KLK13: variants seen among roughly 807,000 people sequenced by gnomAD.
KLK13 encodes the protein kallikrein related peptidase 13, also known as kallikrein-13.
In KLK13, 19 loss-of-function variants were observed where a neutral mutation model predicts 22.4. The ratio of observed to expected loss-of-function variants is 0.85; its 90% confidence interval spans 0.59 to 1.24. KLK13 has a LOEUF of 1.24. KLK13 is among the 50% of genes most tolerant of loss of function. The pLI is 0.00. For synonymous variants in KLK13, 156 were observed against 141.8 expected, an observed-to-expected ratio of 1.10 and a Z score of -0.71; for missense variants, 311 against 347.9, an observed-to-expected ratio of 0.89 and a Z score of 0.84.
In KLK13 at chr19:51,056,474, G is replaced by T. The variant is rs1473562050; in HGVS notation, c.*113C>A. On this transcript the variant is annotated 3_prime_UTR_variant, in exon 5 of 5. Transcript: ENST00000595793. ...TTAGCTGAGATTGAGCATTTTTCAG[G>T]ACATGGATCACTGGTTCAAATGGAA... 14 of 1,111,614 alleles carry T rather than the reference G, an allele frequency of 1.3e-5. No individual in the cohort carries two copies. Among genetic ancestry groups the T allele is most frequent in the Non-Finnish European group, 1.9e-5 (14 of 753,200 alleles). The allele number at this position is 1,111,614 out of a possible 1,614,324, so 68.9% of individuals were successfully genotyped here. A position where few individuals can be genotyped will look rare whatever the true frequency, so the allele number is the denominator to read the frequency against.
Position 51,056,509 on chromosome 19 carries a change from T to A in KLK13, c.*78A>T. The A allele has an allele frequency of 7.3e-7, 1 of 1,368,574 alleles. No individual in the cohort carries two copies. The highest frequency in any genetic ancestry group is 1.0e-6 in the Non-Finnish European group (1 of 973,676). The allele number at this position is 1,368,574 out of a possible 1,614,324, so 84.8% of individuals were successfully genotyped here. ...ACTGGTTCAAATGGAACACTGGGAATAAGGAGCAGAGAAGGGCTAAGCAGA... is the reference window on the plus strand; with the variant it reads ...ACTGGTTCAAATGGAACACTGGGAAAAAGGAGCAGAGAAGGGCTAAGCAGA... On this transcript the variant is annotated 3_prime_UTR_variant, in exon 5 of 5. Coordinates refer to ENST00000595793, the MANE Select transcript of KLK13 (RefSeq NM_015596.3).
Position 51,059,236 on chromosome 19 carries a change from A to C in KLK13, c.509-562T>G, listed in dbSNP as rs181603869. On this transcript the variant is annotated intron_variant, in intron 3 of 4. Transcript: ENST00000595793. The stretch of plus-strand genomic sequence containing the variant: ...TATTATACTTACTAAGTAATGATAT[A>C]GAATTAATTATTACATTGAATTATT... Among the ~76,000 whole-genome samples, 110 of 151,514 alleles carry C rather than the reference A, an allele frequency of 7.3e-4. 3 individuals carry two copies. Among genetic ancestry groups the C allele is most frequent in the African/African-American group, 2.6e-3 (109 of 41,372 alleles).
intron 1 of KLK13, among the ~76,000 whole-genome samples, chr19:51,061,934 AAAG>A (rs886687984): frequency 2.6e-5 from 4 of 152,194 alleles, no homozygotes; most frequent in African/African-American, 9.7e-5. Flanking sequence ...CATTTAAAGA[AAAG>A]AAGAATTTAA....
chr19:51,065,259 G>A, upstream of KLK13: 1 of 519,584 alleles, frequency 1.9e-6, no homozygotes, highest in Non-Finnish European at 3.4e-6. Context: ...TGGTGGGGGT[G>A]CAGTGGCGAG....
At chr19:51,063,388 A>G (rs1020238784) in intron 1 of KLK13, among the ~76,000 whole-genome samples, 1 of 152,196 alleles carries the variant, frequency 6.6e-6, no homozygotes, top group African/African-American at 2.4e-5. Flanking sequence ...AGAAGAAAAA[A>G]AGCTAACTTT....
At chr19:51,062,923 A>C (rs2091743510) in intron 1 of KLK13, among the ~76,000 whole-genome samples, 1 of 152,194 alleles carries the variant, frequency 6.6e-6, no homozygotes, top group Non-Finnish European at 1.5e-5. Flanking sequence ...AGTGGTTTGC[A>C]GTTAGGGACA....
At chr19:51,058,743 C>T (rs1159935568) in intron 3 of KLK13, 69 bp from the exon 4 acceptor site, 34 of 1,472,052 alleles carry the variant, frequency 2.3e-5, no homozygotes, top group Admixed American at 6.8e-5. Context: ...GTGAAATAGG[C>T]GAGTTGAATG....
Position 51,065,003 on chromosome 19 carries a change from C to G in KLK13, c.52+13G>C, listed in dbSNP as rs545084633. 6 of 1,550,894 alleles carry G rather than the reference C, an allele frequency of 3.9e-6. No homozygotes were observed. The Admixed American group carries it at 7.8e-5, about 20-fold the overall frequency. ...CGAATGGCCGCCGCGCCTCCACCCC[C>G]GCGCATTCTTACCTCCTGACAAGGC... On this transcript the variant is annotated intron_variant, in intron 1 of 4. Transcript: ENST00000595793.
intron 1 of KLK13, among the ~76,000 whole-genome samples, chr19:51,063,285 T>C (rs1039886269): frequency 6.6e-6 from 1 of 152,214 alleles, no homozygotes; most frequent in African/African-American, 2.4e-5. Flanking sequence ...GCAGGATTTA[T>C]TTCCTTCCTT....
At chr19:51,060,117 T>C (rs1377379758) in intron 2 of KLK13, 24 bp from the exon 3 acceptor site, 1 of 1,611,436 alleles carries the variant, frequency 6.2e-7, no homozygotes, top group Non-Finnish European at 8.5e-7. Flanking sequence ...AAGAAGGTGG[T>C]TAGGAAAGAA....
intron 1 of KLK13, 162 bp downstream of exon 1, chr19:51,064,854 C>T (rs1875032165): frequency 1.5e-6 from 1 of 650,874 alleles, no homozygotes; most frequent in Non-Finnish European, 2.7e-6. Context: ...AACCAGGTCA[C>T]CCAGGGACAA....
Position 51,059,914 on chromosome 19 carries a change from A to G in KLK13, c.419T>C (p.Ile140Thr). ...GTTGTGGGAAAGGGGCAGGGTTTGG[A>G]TGTAGCCTGTGAGCTGGACCGGGGA... ...LQSPVQLTGY[I>T]QTLPLSHNNR... Residue 140 changes from isoleucine (I) to threonine (T), a missense_variant, in exon 3 of 5, where the codon ATC (isoleucine) becomes ACC (threonine). Ile to Thr is a moderately conservative substitution (Grantham distance 89, BLOSUM62 -1). Coordinates refer to ENST00000595793, the MANE Select transcript of KLK13 (RefSeq NM_015596.3). 2 of 1,608,968 alleles carry G rather than the reference A, an allele frequency of 1.2e-6. No homozygotes were observed. Among genetic ancestry groups the G allele is most frequent in the Non-Finnish European group, 1.7e-6 (2 of 1,177,484 alleles).
At chr19:51,064,635 A>C (rs767240595) in intron 1 of KLK13, 1 of 548,552 alleles carries the variant, frequency 1.8e-6, no homozygotes, top group South Asian at 1.5e-5. Flanking sequence ...TCTGGTAAGC[A>C]CTTATAGATT....
At chr19:51,059,757 C>G in intron 3 of KLK13, 68 bp downstream of exon 3, 1 of 1,344,940 alleles carries the variant, frequency 7.4e-7, no homozygotes, top group Non-Finnish European at 9.8e-7. Context: ...CAGACCTTCC[C>G]TCCCATCTCT....
rs1241455205 is a variant in KLK13 at position 51,060,142 on chromosome 19, C to T, written c.240-49G>A. The T allele has an allele frequency of 3.7e-6, 6 of 1,601,732 alleles. No homozygotes were observed. In the African/African-American group the frequency reaches 8.0e-5, roughly 21 times the overall value. On this transcript the variant is annotated intron_variant, in intron 2 of 4. Transcript: ENST00000595793. ...TTAGGAAAGAAGATGAGCCCATTTCCATCCCCATCCCAGCCCCAACCTCTT... is the reference window on the plus strand; with the variant it reads ...TTAGGAAAGAAGATGAGCCCATTTCTATCCCCATCCCAGCCCCAACCTCTT...
chr19:51,064,889 C>T (rs2091766859), intron 1 of KLK13, 127 bp downstream of exon 1: 4 of 764,994 alleles, frequency 5.2e-6, no homozygotes, highest in Non-Finnish European at 8.4e-6. Flanking sequence ...GAGCTGTCCC[C>T]ACTGGACCCG....
At chr19:51,062,976 A>G (rs1010176638) in intron 1 of KLK13, among the ~76,000 whole-genome samples, 1 of 148,116 alleles carries the variant, frequency 6.8e-6, no homozygotes, top group Admixed American at 6.7e-5. Flanking sequence ...TGGTAGAGAG[A>G]TGAGATTTAA....
At chr19:51,058,171 C>T (rs1288322457) in intron 4 of KLK13, among the ~76,000 whole-genome samples, 1 of 152,178 alleles carries the variant, frequency 6.6e-6, no homozygotes, top group Non-Finnish European at 1.5e-5. Context: ...TCCAAACACA[C>T]AATTTGCATA....
At chr19:51,060,345 C>T (rs1437563365) in intron 2 of KLK13, 88 bp downstream of exon 2, 5 of 1,387,086 alleles carry the variant, frequency 3.6e-6, no homozygotes, top group African/African-American at 1.4e-5. Flanking sequence ...ACCCTAACTC[C>T]AACTCCATCC....
Sources: allele counts gnomAD v4.1 joint callset (sites outside exome capture counted in the v4.1 genomes callset), GRCh38; gene constraint gnomAD v4.1.1; transcripts MANE v1.5; gene names NCBI Gene and HGNC (gene_info 2026-07-23, HGNC 2026-07-21).